AFF3: variants seen among roughly 807,000 people sequenced by gnomAD.
The protein encoded by AFF3 is AF4/FMR2 family member 3.
A neutral mutation model predicts 129.7 loss-of-function variants in AFF3; 32 were observed. That is an observed-to-expected ratio of 0.25 (90% CI 0.19 to 0.33). The LOEUF (loss-of-function observed/expected upper bound fraction) is 0.33. Among genes scored for constraint, AFF3 ranks in the 10% least tolerant of loss-of-function variants. The pLI, the probability that AFF3 is intolerant of heterozygous loss-of-function variation, is 1.00. For synonymous variants in AFF3, 644 were observed against 635.4 expected, an observed-to-expected ratio of 1.01 and a Z score of -0.20; for missense variants, 1,373 against 1,592.0, an observed-to-expected ratio of 0.86 and a Z score of 2.34.
intron 8 of AFF3, among the ~76,000 whole-genome samples, chr2:99,772,328 C>T (rs17023090): frequency 0.018 from 2,689 of 152,192 alleles, 82 homozygotes; most frequent in African/African-American, 0.062. Flanking sequence ...GTGAGAAGAA[C>T]TGTGATAGTC....
intron 7 of AFF3, among the ~76,000 whole-genome samples, chr2:99,905,336 C>T (rs901250167): frequency 1.3e-5 from 2 of 152,214 alleles, no homozygotes; most frequent in Non-Finnish European, 2.9e-5. Context: ...TGCATAAGAG[C>T]TATCCTGGTC....
At chr2:99,674,827 A>G (rs1017725256) in intron 11 of AFF3, among the ~76,000 whole-genome samples, 1 of 152,224 alleles carries the variant, frequency 6.6e-6, no homozygotes, top group African/African-American at 2.4e-5. Context: ...CGTGCAACTC[A>G]GTCACCACAT....
chr2:99,571,951 T>TA (rs1676511606), intron 18 of AFF3, among the ~76,000 whole-genome samples: 1 of 152,220 alleles, frequency 6.6e-6, no homozygotes, highest in Non-Finnish European at 1.5e-5. Context: ...AATGAGATCT[T>TA]ATCTGAGTGT....
chr2:100,038,150 T>C (rs1685125577), intron 4 of AFF3, among the ~76,000 whole-genome samples: 1 of 151,910 alleles, frequency 6.6e-6, no homozygotes, highest in Non-Finnish European at 1.5e-5. Context: ...TCCCCTGCAA[T>C]GAAGTCTAAG....
rs933828059 is a variant in AFF3 at position 99,551,268 on chromosome 2, G to A, written c.*206C>T. 7 of 643,160 alleles carry A rather than the reference G, an allele frequency of 1.1e-5. No homozygotes were observed. Among genetic ancestry groups the A allele is most frequent in the Middle Eastern group, 4.2e-4 (1 of 2,376 alleles). 39.8% of individuals were successfully genotyped at this position (643,160 alleles called of 1,614,324 possible). A position where few individuals can be genotyped will look rare whatever the true frequency, so the allele number is the denominator to read the frequency against. On this transcript the variant is annotated 3_prime_UTR_variant, in exon 25 of 25. Coordinates refer to ENST00000672756, the MANE Select transcript of AFF3 (RefSeq NM_001386135.1). Reference sequence around the variant, plus strand: ...CAAAGAAGGTGTGTTCTGAAGAGCTGTGTATCTTACACACATACACAGGCG... The same window carrying A: ...CAAAGAAGGTGTGTTCTGAAGAGCTATGTATCTTACACACATACACAGGCG...
At chr2:100,141,256 G>A (rs114550963) in intron 1 of AFF3, among the ~76,000 whole-genome samples, 1,949 of 152,266 alleles carry the variant, frequency 0.013, 50 homozygotes, top group African/African-American at 0.044. Flanking sequence ...TTTTCTAAAT[G>A]CAAATCAAAT....
At chr2:99,720,799 T>A (rs1048731679) in intron 11 of AFF3, among the ~76,000 whole-genome samples, 1 of 152,232 alleles carries the variant, frequency 6.6e-6, no homozygotes, top group African/African-American at 2.4e-5. Context: ...CTGCTGCTTT[T>A]GGATATTTGT....
At position 99,697,101 on chromosome 2, in the gene AFF3, CCA is replaced by C. The variant is rs1258384438; in HGVS notation, c.1092-24514_1092-24513del. Among the ~76,000 whole-genome samples, 46 of 152,308 alleles carry C rather than the reference CCA, an allele frequency of 3.0e-4. No individual in the cohort carries two copies. In the East Asian group the frequency reaches 7.9e-3, roughly 26 times the overall value. On this transcript the variant is annotated intron_variant, in intron 11 of 24. Coordinates refer to ENST00000672756, the MANE Select transcript of AFF3 (RefSeq NM_001386135.1). The stretch of plus-strand genomic sequence containing the variant: ...AAGTCTCTTAATCCAACTTCTCTTC[CCA>C]CCTCGGAATCTCAGTCCAGGGCAAA...
At chr2:99,870,628 C>A (rs992833594) in intron 7 of AFF3, among the ~76,000 whole-genome samples, 1 of 152,198 alleles carries the variant, frequency 6.6e-6, no homozygotes, top group African/African-American at 2.4e-5. Flanking sequence ...CTCTGCAGGC[C>A]AGCAGGCCCC....
In AFF3 at chr2:100,008,823, C is replaced by T; in HGVS notation, c.163G>A (p.Glu55Lys). The T allele has an allele frequency of 6.2e-7, 1 of 1,613,996 alleles. No individual in the cohort carries two copies. The highest frequency in any genetic ancestry group is 8.5e-7 in the Non-Finnish European group (1 of 1,179,926). The part of the protein sequence containing the change: ...TFNSSYSLFS[E>K]PYKTNKGDEL... ...TGAAAACCATCTACCTTGTAGGGCT[C>T]ACTGAAGAGAGAGTAACTAGAATTA... is the stretch of plus-strand genomic sequence containing the variant. The change falls in exon 5 of 25, where the codon GAG (glutamate) becomes AAG (lysine). Residue 55 changes from glutamate to lysine, a missense_variant. By Grantham distance (56) the Glu-to-Lys change is moderately conservative. Coordinates refer to ENST00000672756, the MANE Select transcript of AFF3 (RefSeq NM_001386135.1).
At chr2:100,050,182 A>G (rs1160697576) in intron 4 of AFF3, among the ~76,000 whole-genome samples, 1 of 151,854 alleles carries the variant, frequency 6.6e-6, no homozygotes, top group Non-Finnish European at 1.5e-5. Context: ...TGGGTGACAG[A>G]GCAAGACTTC....
chr2:99,707,415 C>T (rs529864499), intron 11 of AFF3: 1 of 985,276 alleles, frequency 1.0e-6, no homozygotes, highest in East Asian at 1.1e-4. Flanking sequence ...AGGTAAATTC[C>T]TCTTCGTATC....
At chr2:100,069,282 A>T (rs544594546) in intron 4 of AFF3, among the ~76,000 whole-genome samples, 1 of 152,174 alleles carries the variant, frequency 6.6e-6, no homozygotes, top group African/African-American at 2.4e-5. Flanking sequence ...ACTTAACTCT[A>T]AAGATAATCA....
intron 7 of AFF3, among the ~76,000 whole-genome samples, chr2:99,996,621 C>A: frequency 6.8e-6 from 1 of 148,026 alleles, no homozygotes; most frequent in South Asian, 2.1e-4. Flanking sequence ...ACCTTGTGAT[C>A]CGCCCGCCTC....
intron 1 of AFF3, among the ~76,000 whole-genome samples, chr2:100,134,110 A>G (rs1355742827): frequency 3.3e-5 from 5 of 152,304 alleles, no homozygotes; most frequent in Admixed American, 6.5e-5. Context: ...CATTTTTGCT[A>G]TGATGAAACA....
In AFF3 at chr2:99,615,795, G is replaced by A. The variant is rs374544392; in HGVS notation, c.1185-14174C>T. On this transcript the variant is annotated intron_variant, in intron 13 of 24. Transcript: ENST00000672756. Reference sequence around the variant, plus strand: ...AGTGAGCAGGCTGCCCCAGATGAGCGAATAACCTCAGCAGTGTTTCATCTA... The same window carrying A: ...AGTGAGCAGGCTGCCCCAGATGAGCAAATAACCTCAGCAGTGTTTCATCTA... Among the ~76,000 whole-genome samples the A allele has an allele frequency of 2.0e-4, 31 of 152,214 alleles. 1 individual carries two copies. Among genetic ancestry groups the A allele is most frequent in the East Asian group, 1.9e-3 (10 of 5,184 alleles).
chr2:99,741,232 G>A (rs1398124883), intron 10 of AFF3, among the ~76,000 whole-genome samples: 1 of 152,116 alleles, frequency 6.6e-6, no homozygotes, highest in Non-Finnish European at 1.5e-5. Context: ...AATTAGGCAG[G>A]AGAAGGAAAC....
chr2:100,095,883 C>T (rs568608629), intron 4 of AFF3, among the ~76,000 whole-genome samples: 6 of 152,288 alleles, frequency 3.9e-5, no homozygotes, highest in South Asian at 4.1e-4. Context: ...CAGGGTACTC[C>T]GGTAACGGCG....
intron 7 of AFF3, among the ~76,000 whole-genome samples, chr2:100,000,363 T>A (rs1681266866): frequency 6.6e-6 from 1 of 152,012 alleles, no homozygotes; most frequent in South Asian, 2.1e-4. Context: ...GAAAATAAAA[T>A]CTCAGGAGGG....
Sources: gnomAD v4.1 joint callset for allele counts (sites outside exome capture counted in the v4.1 genomes callset) on GRCh38, gnomAD v4.1.1 for gene constraint, MANE v1.5 for transcripts, NCBI Gene and HGNC (gene_info 2026-07-23, HGNC 2026-07-21) for gene names.